Variants in BRD10 observed in about 807,000 individuals in gnomAD.
BRD10 encodes the protein uncharacterized bromodomain-containing protein 10.
chr9:5,984,599 GCA>G, the BRD10 span, among the ~76,000 whole-genome samples: 1 of 152,076 alleles, frequency 6.6e-6, no homozygotes. Context: ...GCATCTAATA[GCA>G]CAGTTTCAAA....
At chr9:5,923,083 A>C in the BRD10 span, 1 of 1,613,970 alleles carries the variant, frequency 6.2e-7, no homozygotes, top group East Asian at 2.2e-5. Context: ...TGAAACAGTC[A>C]ATCTGCACAT....
chr9:5,916,581 T>C, the BRD10 span, among the ~76,000 whole-genome samples: 2 of 150,834 alleles, frequency 1.3e-5, no homozygotes, highest in Non-Finnish European at 3.0e-5. Context: ...ATAAAACATA[T>C]ATAACATATA....
the BRD10 span, among the ~76,000 whole-genome samples, chr9:5,908,374 T>C: frequency 6.2e-4 from 95 of 152,322 alleles, no homozygotes; most frequent in Middle Eastern, 0.01. Flanking sequence ...TTGAGACTTT[T>C]ACTGTCATGG....
At chr9:6,007,646 A>C in the BRD10 span, 3 of 1,603,988 alleles carry the variant, frequency 1.9e-6, no homozygotes, top group Admixed American at 3.4e-5. Flanking sequence ...TCCAGCGAGG[A>C]GGCACTCCTT....
the BRD10 span, among the ~76,000 whole-genome samples, chr9:5,955,431 T>G: frequency 2.6e-5 from 4 of 151,970 alleles, no homozygotes; most frequent in Non-Finnish European, 5.9e-5. Flanking sequence ...GTAACTTTGC[T>G]GTACATAATC....
chr9:5,927,556 C>CAGAAA, the BRD10 span, among the ~76,000 whole-genome samples: 1 of 152,170 alleles, frequency 6.6e-6, no homozygotes, highest in African/African-American at 2.4e-5. Context: ...CCTGAATAGA[C>CAGAAA]TTCTAAGACT....
the BRD10 span, among the ~76,000 whole-genome samples, chr9:6,006,550 G>C: frequency 5.8e-4 from 88 of 152,282 alleles, 2 homozygotes; most frequent in South Asian, 0.018. Flanking sequence ...CATCTGACTT[G>C]CCTATGATTT....
chr9:5,934,940 A>G, the BRD10 span, among the ~76,000 whole-genome samples: 6 of 152,172 alleles, frequency 3.9e-5, no homozygotes, highest in Non-Finnish European at 8.8e-5. Flanking sequence ...AGGTAATACT[A>G]TATTCAATAA....
At chr9:5,911,896 T>G in the BRD10 span, among the ~76,000 whole-genome samples, 1 of 152,130 alleles carries the variant, frequency 6.6e-6, no homozygotes, top group African/African-American at 2.4e-5. Context: ...CTATATAAAT[T>G]TTAGGATTAT....
the BRD10 span, chr9:5,933,956 CTTTAA>C: frequency 2.9e-5 from 12 of 415,258 alleles, no homozygotes; most frequent in African/African-American, 4.1e-5. Context: ...ATTTTGCACA[CTTTAA>C]TTTAGATACT....
At chr9:5,887,239 A>G in the BRD10 span, among the ~76,000 whole-genome samples, 29 of 152,192 alleles carry the variant, frequency 1.9e-4, no homozygotes, top group African/African-American at 6.0e-4. Flanking sequence ...TGCCTGGGCA[A>G]CAGAACAAGA....
chr9:5,890,795 G>A, the BRD10 span: 1 of 152,094 alleles, frequency 6.6e-6, no homozygotes, highest in East Asian at 1.9e-4. Context: ...AGCAATTACA[G>A]ACGACCCCGT....
At chr9:5,883,462 C>CTT in the BRD10 span, among the ~76,000 whole-genome samples, 1,891 of 102,282 alleles carry the variant, frequency 0.018, 140 homozygotes, top group African/African-American at 0.065. Context: ...CCTTCTTCTT[C>CTT]TTTTTTTTTT....
chr9:6,007,726 G>C, the BRD10 span: 25 of 1,600,302 alleles, frequency 1.6e-5, no homozygotes, highest in Admixed American at 3.4e-5. Context: ...TTCGGCCGCC[G>C]GTGGCGGCCG....
At chr9:5,961,431 T>G in the BRD10 span, among the ~76,000 whole-genome samples, 4 of 152,222 alleles carry the variant, frequency 2.6e-5, no homozygotes, top group African/African-American at 9.6e-5. Flanking sequence ...GAAAAAACAA[T>G]GAAAGAAAAC....
At chr9:5,977,577 G>A in the BRD10 span, among the ~76,000 whole-genome samples, 1 of 152,246 alleles carries the variant, frequency 6.6e-6, no homozygotes, top group African/African-American at 2.4e-5. Context: ...GCTGGGCGCA[G>A]TGGCTCACGC....
the BRD10 span, among the ~76,000 whole-genome samples, chr9:5,934,359 T>TTTA: frequency 2.5e-3 from 205 of 81,518 alleles, 1 homozygote; most frequent in Non-Finnish European, 3.8e-3. Context: ...TACGCTTTTC[T>TTTA]TTTTTTTTTT....
the BRD10 span, among the ~76,000 whole-genome samples, chr9:5,884,992 C>T: frequency 2.1e-4 from 32 of 152,300 alleles, no homozygotes; most frequent in African/African-American, 7.2e-4. Flanking sequence ...ACACTCAAGG[C>T]CAGCCCGAGG....
the BRD10 span, among the ~76,000 whole-genome samples, chr9:5,881,231 G>A: frequency 6.6e-6 from 1 of 152,148 alleles, no homozygotes. Context: ...TTATGGGAGA[G>A]TCAAATGCCC....
Sources: allele counts gnomAD v4.1 joint callset (sites outside exome capture counted in the v4.1 genomes callset), GRCh38; gene constraint gnomAD v4.1.1; transcripts MANE v1.5; gene names NCBI Gene and HGNC (gene_info 2026-07-23, HGNC 2026-07-21).